ZC3H12B: variants seen among roughly 807,000 people sequenced by gnomAD.
ZC3H12B encodes probable ribonuclease ZC3H12B.
A neutral mutation model predicts 43.9 loss-of-function variants in ZC3H12B; 7 were observed. The ratio of observed to expected loss-of-function variants is 0.16; its 90% CI spans 0.09 to 0.30. ZC3H12B has a LOEUF of 0.30. ZC3H12B is among the 10% of genes least tolerant of loss of function. The probability of loss-of-function intolerance (pLI) is 1.00; values close to 1 mark genes in which losing one functional copy is unlikely to be tolerated. For synonymous variants in ZC3H12B, 222 were observed against 241.7 expected, an observed-to-expected ratio of 0.92 and a Z score of 0.76; for missense variants, 475 against 670.2, an observed-to-expected ratio of 0.71 and a Z score of 3.22.
intron 3 of ZC3H12B, among the ~76,000 whole-genome samples, chrX:65,421,731 G>A (rs192575723): frequency 8.9e-6 from 1 of 111,857 alleles, no homozygotes; most frequent in African/African-American, 3.2e-5. Flanking sequence ...GGAGGCTGAG[G>A]CAGGCGGATC....
At chrX:65,192,909 G>T in the ZC3H12B span, among the ~76,000 whole-genome samples, 1 of 110,329 alleles carries the variant, frequency 9.1e-6, no homozygotes, top group Non-Finnish European at 1.9e-5. Context: ...GAGTAGTTGG[G>T]ACTACAGGTG....
intron 2 of ZC3H12B, among the ~76,000 whole-genome samples, chrX:65,390,836 T>A (rs774202974): frequency 2.7e-5 from 3 of 111,943 alleles, no homozygotes; most frequent in East Asian, 5.5e-4. Context: ...AAGAAGCAAG[T>A]CTTAAAGTAT....
chrX:65,193,208 A>AT, the ZC3H12B span, among the ~76,000 whole-genome samples: 1 of 109,605 alleles, frequency 9.1e-6, no homozygotes, highest in East Asian at 2.8e-4. Context: ...TTCCTCCTCA[A>AT]TTTTTTGGAA....
chrX:65,384,534 A>T (rs768226675), intron 2 of ZC3H12B, among the ~76,000 whole-genome samples: 1 of 111,483 alleles, frequency 9.0e-6, no homozygotes, highest in East Asian at 2.8e-4. Flanking sequence ...AATTTTTTTT[A>T]AAAAGGAAAA....
the ZC3H12B span, among the ~76,000 whole-genome samples, chrX:65,107,819 C>A: frequency 2.5e-4 from 28 of 111,047 alleles, no homozygotes; most frequent in Non-Finnish European, 7.6e-5. Flanking sequence ...CCAAGCCCTG[C>A]GAAACTGTGA....
At chrX:65,101,702 A>G in the ZC3H12B span, among the ~76,000 whole-genome samples, 6 of 112,216 alleles carry the variant, frequency 5.3e-5, no homozygotes, top group Admixed American at 9.4e-5. Flanking sequence ...AAGAAGTCAA[A>G]TCCCTGAATA....
At chrX:65,114,916 A>ATTTTTTTT in the ZC3H12B span, among the ~76,000 whole-genome samples, 7 of 19,323 alleles carry the variant, frequency 3.6e-4, 1 homozygote, top group African/African-American at 1.1e-3. Context: ...GTGTCTCAGG[A>ATTTTTTTT]TTTTTTTTTT....
the ZC3H12B span, among the ~76,000 whole-genome samples, chrX:65,128,464 T>C: frequency 8.9e-6 from 1 of 111,941 alleles, no homozygotes; most frequent in Non-Finnish European, 1.9e-5. Flanking sequence ...TTTTGAATTT[T>C]GTTTGTGGTC....
the ZC3H12B span, among the ~76,000 whole-genome samples, chrX:65,239,692 G>A: frequency 8.9e-6 from 1 of 112,184 alleles, no homozygotes; most frequent in Non-Finnish European, 1.9e-5. Context: ...GTACTTCAGT[G>A]TGTTTTTGTG....
chrX:65,192,005 T>C, the ZC3H12B span, among the ~76,000 whole-genome samples: 1 of 109,623 alleles, frequency 9.1e-6, no homozygotes, highest in Non-Finnish European at 1.9e-5. Context: ...GTTGTGTCTT[T>C]GTTCTCGTTG....
chrX:65,312,416 C>T, the ZC3H12B span, among the ~76,000 whole-genome samples: 1 of 109,122 alleles, frequency 9.2e-6, no homozygotes, highest in African/African-American at 3.4e-5. Context: ...TTTTTCAGCC[C>T]TTCTCCAATG....
intron 3 of ZC3H12B, among the ~76,000 whole-genome samples, chrX:65,455,717 C>A (rs1158981622): frequency 9.0e-6 from 1 of 111,716 alleles, no homozygotes; most frequent in Non-Finnish European, 1.9e-5. Flanking sequence ...ATATTAAGGG[C>A]AGCCAGAGAG....
the ZC3H12B span, among the ~76,000 whole-genome samples, chrX:65,353,404 A>T: frequency 9.0e-6 from 1 of 111,481 alleles, no homozygotes; most frequent in Non-Finnish European, 1.9e-5. Context: ...TGTTCAAGTG[A>T]AAGGAAGAGT....
At chrX:65,226,446 G>C in the ZC3H12B span, among the ~76,000 whole-genome samples, 3 of 111,646 alleles carry the variant, frequency 2.7e-5, no homozygotes, top group Non-Finnish European at 5.6e-5. Context: ...GTCAAGGCTA[G>C]GAAGAAACTG....
chrX:65,161,914 C>T, the ZC3H12B span, among the ~76,000 whole-genome samples: 1 of 111,786 alleles, frequency 8.9e-6, no homozygotes, highest in Admixed American at 9.6e-5. Context: ...CTGGTTGTTC[C>T]TTTCCATGTT....
chrX:65,151,485 A>G, the ZC3H12B span, among the ~76,000 whole-genome samples: 1 of 112,002 alleles, frequency 8.9e-6, no homozygotes, highest in Non-Finnish European at 1.9e-5. Context: ...AGCAAGAAAT[A>G]AGTTTGTTTA....
At chrX:65,119,492 C>T in the ZC3H12B span, among the ~76,000 whole-genome samples, 1 of 110,198 alleles carries the variant, frequency 9.1e-6, no homozygotes, top group African/African-American at 3.3e-5. Context: ...CTTTTTGATG[C>T]AGTTGTTTTT....
chrX:65,305,644 A>G, the ZC3H12B span, among the ~76,000 whole-genome samples: 3 of 111,747 alleles, frequency 2.7e-5, no homozygotes, highest in Admixed American at 2.9e-4. Flanking sequence ...TGCAGTTTGT[A>G]TCTATAAGAA....
the ZC3H12B span, among the ~76,000 whole-genome samples, chrX:65,219,589 C>A: frequency 9.0e-6 from 1 of 111,175 alleles, no homozygotes; most frequent in African/African-American, 3.3e-5. Flanking sequence ...TTTGAATTAA[C>A]CCAGTCCAAC....
Sources: gnomAD v4.1 joint callset for allele counts (sites outside exome capture counted in the v4.1 genomes callset) on GRCh38, gnomAD v4.1.1 for gene constraint, MANE v1.5 for transcripts, NCBI Gene and HGNC (gene_info 2026-07-23, HGNC 2026-07-21) for gene names.